Variants in IMMP2L observed in about 807,000 individuals in gnomAD.
The protein encoded by IMMP2L is inner mitochondrial membrane peptidase subunit 2.
In IMMP2L, 18 loss-of-function variants were observed where a neutral mutation model predicts 19.3. The observed-to-expected ratio is 0.93, with a 90% CI of 0.64 to 1.38. The LOEUF (loss-of-function observed/expected upper bound fraction) is 1.38. Among genes scored for constraint, IMMP2L ranks in the 40% most tolerant of loss-of-function variants. The pLI, the probability that IMMP2L is intolerant of heterozygous loss-of-function variation, is 0.00. For missense variants in IMMP2L, 233 were observed against 218.2 expected (o/e 1.07, Z -0.43); for synonymous variants, 76 against 73.0 (o/e 1.04, Z -0.21).
chr7:111,161,455 A>G (rs1475116612), intron 3 of IMMP2L, among the ~76,000 whole-genome samples: 1 of 152,020 alleles, frequency 6.6e-6, no homozygotes, highest in Non-Finnish European at 1.5e-5. Context: ...GTCATTTACT[A>G]TATCAACATT....
At chr7:111,286,518 C>T (rs181194241) in intron 3 of IMMP2L, among the ~76,000 whole-genome samples, 3 of 152,160 alleles carry the variant, frequency 2.0e-5, no homozygotes, top group Non-Finnish European at 4.4e-5. Flanking sequence ...AGGTCTACTC[C>T]CTAGCAGAAT....
chr7:110,736,172 G>C (rs1043160603), intron 5 of IMMP2L, among the ~76,000 whole-genome samples: 4 of 152,098 alleles, frequency 2.6e-5, no homozygotes, highest in Admixed American at 2.0e-4. Flanking sequence ...GAGTACAAGA[G>C]CTATGGGGGC....
At chr7:110,706,000 T>C (rs900481453) in intron 5 of IMMP2L, among the ~76,000 whole-genome samples, 2 of 152,146 alleles carry the variant, frequency 1.3e-5, no homozygotes, top group Non-Finnish European at 1.5e-5. Flanking sequence ...CTCTTTGCTA[T>C]TGTGAATAGC....
At chr7:111,307,823 G>C (rs1021536216) in intron 3 of IMMP2L, among the ~76,000 whole-genome samples, 3 of 151,486 alleles carry the variant, frequency 2.0e-5, no homozygotes, top group African/African-American at 7.3e-5. Context: ...TAGCTCATGG[G>C]GCATTGTTTC....
At chr7:111,278,039 G>C (rs1404505580) in intron 3 of IMMP2L, among the ~76,000 whole-genome samples, 1 of 152,066 alleles carries the variant, frequency 6.6e-6, no homozygotes, top group Non-Finnish European at 1.5e-5. Context: ...GGGTACATAT[G>C]GACCGTGGAG....
chr7:110,753,174 A>G (rs1362497164), intron 5 of IMMP2L, among the ~76,000 whole-genome samples: 1 of 152,012 alleles, frequency 6.6e-6, no homozygotes, highest in African/African-American at 2.4e-5. Flanking sequence ...GCTTTTTTGT[A>G]AATCAACAAT....
chr7:111,325,735 T>C (rs1423556349), intron 3 of IMMP2L, among the ~76,000 whole-genome samples: 2 of 151,744 alleles, frequency 1.3e-5, no homozygotes, highest in Non-Finnish European at 3.0e-5. Context: ...TTCAAAAATA[T>C]TGAAACTTTA....
chr7:111,189,807 A>AG (rs1443761672), intron 3 of IMMP2L, among the ~76,000 whole-genome samples: 8 of 152,104 alleles, frequency 5.3e-5, no homozygotes, highest in African/African-American at 1.9e-4. Flanking sequence ...AGGGCTTAGG[A>AG]GTAGAAAGAG....
At chr7:111,442,742 T>A (rs1056244163) in intron 3 of IMMP2L, among the ~76,000 whole-genome samples, 2 of 151,860 alleles carry the variant, frequency 1.3e-5, no homozygotes, top group South Asian at 2.1e-4. Context: ...GTTAAATACA[T>A]ACACTAATAG....
chr7:111,494,899 CTG>C (rs1182638629), intron 2 of IMMP2L, among the ~76,000 whole-genome samples: 1 of 151,698 alleles, frequency 6.6e-6, no homozygotes, highest in African/African-American at 2.4e-5. Flanking sequence ...ACATAGTAAA[CTG>C]AAAGTATTCA....
chr7:111,521,792 C>A (rs1846357268), intron 1 of IMMP2L, among the ~76,000 whole-genome samples: 1 of 152,098 alleles, frequency 6.6e-6, no homozygotes, highest in Non-Finnish European at 1.5e-5. Flanking sequence ...CCCCTGATAT[C>A]TGTTCTCTTC....
intron 3 of IMMP2L, among the ~76,000 whole-genome samples, chr7:111,485,959 C>G (rs2132259224): frequency 6.6e-6 from 1 of 152,054 alleles, no homozygotes; most frequent in South Asian, 2.1e-4. Flanking sequence ...TTTCCATCAC[C>G]AACTAAGTGA....
chr7:111,298,710 C>A (rs1188317621), intron 3 of IMMP2L, among the ~76,000 whole-genome samples: 1 of 148,456 alleles, frequency 6.7e-6, no homozygotes, highest in Non-Finnish European at 1.5e-5. Flanking sequence ...GAGCCAAGAT[C>A]GTGCCACTGC....
At chr7:110,680,037 A>G (rs1792598341) in intron 5 of IMMP2L, among the ~76,000 whole-genome samples, 2 of 152,202 alleles carry the variant, frequency 1.3e-5, no homozygotes, top group Admixed American at 6.5e-5. Context: ...AACAATATTC[A>G]CACATTACGT....
At chr7:110,939,388 C>CA (rs58982346) in intron 4 of IMMP2L, among the ~76,000 whole-genome samples, 2,517 of 125,628 alleles carry the variant, frequency 0.02, 58 homozygotes, top group African/African-American at 0.05. Flanking sequence ...TGCAAAATTG[C>CA]AAAAAAAAAA....
intron 4 of IMMP2L, among the ~76,000 whole-genome samples, chr7:110,887,369 A>G (rs1227752122): frequency 6.6e-6 from 1 of 151,708 alleles, no homozygotes; most frequent in African/African-American, 2.4e-5. Flanking sequence ...AAATGGACTA[A>G]GAAAAGGCTA....
chr7:110,807,053 C>T (rs773427348), intron 5 of IMMP2L, among the ~76,000 whole-genome samples: 3 of 152,004 alleles, frequency 2.0e-5, no homozygotes, highest in South Asian at 2.1e-4. Flanking sequence ...AGTCAGTCCC[C>T]ATCTCTGTAT....
intron 3 of IMMP2L, among the ~76,000 whole-genome samples, chr7:111,406,449 G>C (rs1219736028): frequency 3.9e-5 from 6 of 151,990 alleles, no homozygotes; most frequent in African/African-American, 1.4e-4. Context: ...AATTTTTACA[G>C]AGCATCTAGA....
At chr7:111,057,724 C>T (rs1430823776) in intron 3 of IMMP2L, among the ~76,000 whole-genome samples, 2 of 152,184 alleles carry the variant, frequency 1.3e-5, no homozygotes, top group Non-Finnish European at 2.9e-5. Context: ...TTCTAATCAA[C>T]TGGATGCTCA....
Sources: allele counts gnomAD v4.1 joint callset (sites outside exome capture counted in the v4.1 genomes callset), GRCh38; gene constraint gnomAD v4.1.1; transcripts MANE v1.5; gene names NCBI Gene and HGNC (gene_info 2026-07-23, HGNC 2026-07-21).